The following PTPRF variants were observed in gnomAD, a reference collection of about 807,000 sequenced individuals.
The protein encoded by PTPRF is receptor-type tyrosine-protein phosphatase F.
A neutral mutation model predicts 201.8 loss-of-function variants in PTPRF; 59 were observed. The ratio of observed to expected loss-of-function variants is 0.29; its 90% CI spans 0.24 to 0.36. The LOEUF is 0.36. Ranked by LOEUF, PTPRF falls within the 10% of genes least tolerant of loss-of-function variation. The probability of loss-of-function intolerance (pLI) is 1.00; values close to 1 mark genes in which losing one functional copy is unlikely to be tolerated. For synonymous variants in PTPRF, 1,088 were observed against 1,089.7 expected (o/e 1.00, Z 0.03); for missense variants, 2,132 against 2,690.5 (o/e 0.79, Z 4.59).
chr1:43,579,763 C>A, intron 7 of PTPRF: 1 of 154,048 alleles, frequency 6.5e-6, no homozygotes, highest in Non-Finnish European at 1.4e-5. Flanking sequence ...CCTTCTTGTA[C>A]AGATGGATGT....
intron 13 of PTPRF, among the ~76,000 whole-genome samples, chr1:43,601,853 A>G (rs1463553928): frequency 6.6e-6 from 1 of 151,510 alleles, no homozygotes; most frequent in Non-Finnish European, 1.5e-5. Context: ...CTGTCTCCCT[A>G]CCCTCCTCAG....
upstream of PTPRF, among the ~76,000 whole-genome samples, chr1:43,529,574 A>G (rs543160868): frequency 6.6e-6 from 1 of 150,828 alleles, no homozygotes; most frequent in South Asian, 2.2e-4. Context: ...CAGTTACCTG[A>G]CCCAGGGCAG....
chr1:43,595,190 ATTTTG>A (rs374750589), intron 11 of PTPRF, among the ~76,000 whole-genome samples: 31 of 151,886 alleles, frequency 2.0e-4, no homozygotes, highest in South Asian at 8.3e-4. Flanking sequence ...TGAGGGTGGG[ATTTTG>A]TTTTGTTTTG....
At chr1:43,593,039 T>A (rs1008919744) in intron 11 of PTPRF, among the ~76,000 whole-genome samples, 5 of 152,314 alleles carry the variant, frequency 3.3e-5, no homozygotes, top group South Asian at 4.1e-4. Flanking sequence ...CCCTTCCTCA[T>A]ACTCCCCATG....
chr1:43,556,571 C>CT (rs1425783098), intron 5 of PTPRF, among the ~76,000 whole-genome samples: 2 of 152,332 alleles, frequency 1.3e-5, no homozygotes, highest in African/African-American at 4.8e-5. Flanking sequence ...TGTTTTGCAT[C>CT]TGTGTCTTGT....
rs747529307 is a variant in PTPRF, at chr1:43,604,976, C to T, written c.3111C>T (p.Ser1037=). 3.7e-6 allele frequency: 6 copies of T among 1,614,150 alleles called. No homozygotes were observed. Among genetic ancestry groups the T allele is most frequent in the Admixed American group, 1.7e-5 (1 of 60,022 alleles). ...TGCTCAGCTGGGAGGTTCCCGACTC[C>T]TATAAGTCAGCTGTGCCCTTTAAGG... is the stretch of plus-strand genomic sequence containing the variant. ...SVLLSWEVPD[S]YKSAVPFKIL... Residue 1037 remains serine (S), a synonymous_variant, in exon 17 of 34, where the codon TCC becomes TCT. Coordinates refer to ENST00000359947, the MANE Select transcript of PTPRF (RefSeq NM_002840.5).
intron 11 of PTPRF, among the ~76,000 whole-genome samples, chr1:43,592,923 C>T (rs1651213387): frequency 6.6e-6 from 1 of 152,202 alleles, no homozygotes; most frequent in South Asian, 2.1e-4. Context: ...GTCACACTAG[C>T]TTAGCTGATG....
chr1:43,615,899 A>T lies in PTPRF; in HGVS notation c.4072-1546A>T, dbSNP rs1170386761. On this transcript the variant is annotated intron_variant, in intron 23 of 33. Coordinates refer to ENST00000359947, the MANE Select transcript of PTPRF (RefSeq NM_002840.5). ...GTCTTTAACGTTCAGTCAGTCATTG[A>T]TCACACATTTTCCATGTGCCAGTCC... Among the ~76,000 whole-genome samples, 10 of 152,126 alleles carry T rather than the reference A, an allele frequency of 6.6e-5. 1 individual carries two copies. The highest frequency in any genetic ancestry group is 6.5e-4 in the Admixed American group (10 of 15,278).
intron 2 of PTPRF, among the ~76,000 whole-genome samples, chr1:43,539,961 G>T (rs918969670): frequency 1.3e-5 from 2 of 152,186 alleles, no homozygotes; most frequent in African/African-American, 2.4e-5. Context: ...GAGCTTCCTT[G>T]GGTACAAGGC....
chr1:43,523,706 T>A (rs999998965), upstream of PTPRF, among the ~76,000 whole-genome samples: 8 of 152,048 alleles, frequency 5.3e-5, no homozygotes, highest in African/African-American at 4.8e-5. Flanking sequence ...AAATGTTGGA[T>A]GAAGTGAGTA....
At chr1:43,545,290 C>T (rs1644590204) in intron 3 of PTPRF, 124 bp downstream of exon 3, 11 of 1,027,146 alleles carry the variant, frequency 1.1e-5, no homozygotes, top group Non-Finnish European at 1.4e-6. Context: ...CCCTTTAGAC[C>T]TTCTGTCCTA....
intron 5 of PTPRF, among the ~76,000 whole-genome samples, chr1:43,555,520 A>C (rs1033564761): frequency 8.7e-5 from 12 of 138,718 alleles, no homozygotes; most frequent in Non-Finnish European, 1.4e-4. Context: ...ATCTTGGCTC[A>C]CTGCAGCCTC....
Position 43,620,038 on chromosome 1 carries a change from G to A in PTPRF, c.5112-57G>A, listed in dbSNP as rs1397710522. The A allele has an allele frequency of 5.6e-6, 9 of 1,608,894 alleles. No homozygotes were observed. In the Admixed American group the frequency reaches 1.5e-4, roughly 27 times the overall value. On this transcript the variant is annotated intron_variant, in intron 29 of 33. Coordinates refer to ENST00000359947, the MANE Select transcript of PTPRF (RefSeq NM_002840.5). ...GGCCCCAAGGGGCTAGGCAGCCTAAGGGGAGACTCTAGGGGCAGCAGCACC... is the reference window on the plus strand; with the variant it reads ...GGCCCCAAGGGGCTAGGCAGCCTAAAGGGAGACTCTAGGGGCAGCAGCACC...
chr1:43,585,316 T>A (rs1192341824), intron 7 of PTPRF, among the ~76,000 whole-genome samples: 1 of 152,210 alleles, frequency 6.6e-6, no homozygotes, highest in Non-Finnish European at 1.5e-5. Flanking sequence ...GGGTCCCTGT[T>A]GGCACTTGGA....
In PTPRF at chr1:43,598,043, C is replaced by T. The variant is rs200783367; in HGVS notation, c.2109C>T (p.Thr703=). The T allele has an allele frequency of 6.0e-4, 895 of 1,487,662 alleles. 5 individuals are homozygous for T. The highest frequency in any genetic ancestry group is 4.6e-4 in the Admixed American group (21 of 45,614). 92.2% of individuals were successfully genotyped at this position (1,487,662 alleles called of 1,614,324 possible). The change falls in exon 12 of 34, where the codon ACC becomes ACT. Residue 703 remains threonine, a synonymous_variant. Coordinates refer to ENST00000359947, the MANE Select transcript of PTPRF (RefSeq NM_002840.5). ...AGAGCAGCCCGGTGCTGGTGCGCAC[C>T]GATGAGGACGGTAGGCAGTGCCACC... ...GPESSPVLVR[T]DEDVPSGPPR... is the part of the protein sequence containing the mutation.
chr1:43,572,446 A>G (rs1168385189), intron 6 of PTPRF, among the ~76,000 whole-genome samples: 5 of 152,146 alleles, frequency 3.3e-5, no homozygotes, highest in African/African-American at 1.2e-4. Flanking sequence ...AGCTCCTGGG[A>G]TGGAGCCAGA....
At chr1:43,592,662 C>A in intron 11 of PTPRF, 61 bp downstream of exon 11, 2 of 1,468,872 alleles carry the variant, frequency 1.4e-6, no homozygotes, top group East Asian at 2.5e-5. Flanking sequence ...CACACACATG[C>A]ACACACATCC....
At chr1:43,575,774 C>A in intron 6 of PTPRF, 1 of 717,844 alleles carries the variant, frequency 1.4e-6, no homozygotes, top group Non-Finnish European at 2.1e-6. Flanking sequence ...GTCGGCCTAA[C>A]TCAGGCCTCA....
upstream of PTPRF, among the ~76,000 whole-genome samples, chr1:43,522,777 A>G (rs1642993674): frequency 6.6e-6 from 1 of 152,200 alleles, no homozygotes; most frequent in South Asian, 2.1e-4. Context: ...AGCTGGCGCC[A>G]CCGCAGAGGA....
Sources: gnomAD v4.1 joint callset for allele counts (sites outside exome capture counted in the v4.1 genomes callset) on GRCh38, gnomAD v4.1.1 for gene constraint, MANE v1.5 for transcripts, NCBI Gene and HGNC (gene_info 2026-07-23, HGNC 2026-07-21) for gene names.